The following SAMTOR variants were observed in gnomAD, a reference collection of about 807,000 sequenced individuals.
The protein encoded by SAMTOR is UPF0532 protein C7orf60.
chr7:112,825,108 A>G, the SAMTOR span, among the ~76,000 whole-genome samples: 1 of 151,802 alleles, frequency 6.6e-6, no homozygotes, highest in Non-Finnish European at 1.5e-5. Flanking sequence ...TGCAACCTCC[A>G]CCCTCTGGGC....
the SAMTOR span, chr7:112,895,759 TG>T: frequency 6.8e-7 from 1 of 1,481,322 alleles, no homozygotes. Context: ...AAAATAAAGT[TG>T]TATTTTAACA....
chr7:112,892,612 T>A, the SAMTOR span, among the ~76,000 whole-genome samples: 81 of 151,942 alleles, frequency 5.3e-4, no homozygotes, highest in African/African-American at 1.8e-3. Context: ...CTATAAAAAA[T>A]TTTAAAAAAG....
the SAMTOR span, chr7:112,935,326 C>A: frequency 2.9e-6 from 1 of 350,432 alleles, no homozygotes; most frequent in South Asian, 2.2e-5. Context: ...TTTAAAACAA[C>A]TTCAAAACTT....
chr7:112,833,176 C>T, the SAMTOR span, among the ~76,000 whole-genome samples: 1 of 151,998 alleles, frequency 6.6e-6, no homozygotes, highest in African/African-American at 2.4e-5. Flanking sequence ...CTTTTGCATT[C>T]AGGCTGTTGC....
At chr7:112,921,286 A>G in the SAMTOR span, among the ~76,000 whole-genome samples, 1 of 152,162 alleles carries the variant, frequency 6.6e-6, no homozygotes, top group African/African-American at 2.4e-5. Context: ...CCTCAGAAAT[A>G]ACGCCGCATA....
At chr7:112,866,743 A>G in the SAMTOR span, among the ~76,000 whole-genome samples, 3 of 152,234 alleles carry the variant, frequency 2.0e-5, no homozygotes, top group South Asian at 4.1e-4. Flanking sequence ...CTCAACCTCC[A>G]TTCTCCACTA....
At chr7:112,879,126 G>T in the SAMTOR span, among the ~76,000 whole-genome samples, 2 of 151,080 alleles carry the variant, frequency 1.3e-5, no homozygotes, top group Non-Finnish European at 2.9e-5. Flanking sequence ...GGAAAGGAGA[G>T]AAAATTAGCT....
the SAMTOR span, among the ~76,000 whole-genome samples, chr7:112,869,012 C>A: frequency 3.3e-5 from 5 of 152,104 alleles, no homozygotes; most frequent in African/African-American, 4.8e-5. Flanking sequence ...AGTCTCCAGT[C>A]CCCTGGAGAT....
the SAMTOR span, among the ~76,000 whole-genome samples, chr7:112,829,360 A>C: frequency 1.3e-5 from 2 of 152,022 alleles, no homozygotes; most frequent in Non-Finnish European, 2.9e-5. Flanking sequence ...TACAGTTTTG[A>C]TTTTTTTAAA....
the SAMTOR span, among the ~76,000 whole-genome samples, chr7:112,851,848 AACAG>A: frequency 0.011 from 1,617 of 152,300 alleles, 27 homozygotes; most frequent in African/African-American, 0.037. Context: ...AAAGGACATG[AACAG>A]ACATTCTTCC....
At chr7:112,884,131 C>G in the SAMTOR span, among the ~76,000 whole-genome samples, 1 of 152,148 alleles carries the variant, frequency 6.6e-6, no homozygotes, top group Non-Finnish European at 1.5e-5. Flanking sequence ...ATCCTGAGAA[C>G]AGCAGCATGG....
chr7:112,836,849 T>C, the SAMTOR span, among the ~76,000 whole-genome samples: 2 of 152,188 alleles, frequency 1.3e-5, no homozygotes, highest in African/African-American at 4.8e-5. Context: ...TGTAGCCCTA[T>C]AGTATCGTTT....
chr7:112,831,031 TTATTTAAAAAAG>T, the SAMTOR span, among the ~76,000 whole-genome samples: 1 of 152,090 alleles, frequency 6.6e-6, no homozygotes, highest in African/African-American at 2.4e-5. Context: ...TTCTATTCTT[TTATTTAAAAAAG>T]TATTAAATAT....
the SAMTOR span, among the ~76,000 whole-genome samples, chr7:112,917,689 A>G: frequency 6.6e-6 from 1 of 152,194 alleles, no homozygotes; most frequent in Non-Finnish European, 1.5e-5. Flanking sequence ...CAAAGAAGTT[A>G]AAAACTTTGA....
the SAMTOR span, among the ~76,000 whole-genome samples, chr7:112,887,256 T>C: frequency 6.6e-6 from 1 of 150,904 alleles, no homozygotes; most frequent in African/African-American, 2.4e-5. Flanking sequence ...ATCAGGCAAC[T>C]AGATAAATTC....
At chr7:112,841,366 A>T in the SAMTOR span, among the ~76,000 whole-genome samples, 1 of 152,134 alleles carries the variant, frequency 6.6e-6, no homozygotes, top group South Asian at 2.1e-4. Context: ...TAGCAATACA[A>T]CTTACAAGGG....
chr7:112,840,551 ATTT>A, the SAMTOR span, among the ~76,000 whole-genome samples: 1 of 151,318 alleles, frequency 6.6e-6, no homozygotes, highest in African/African-American at 2.4e-5. Context: ...TAACCATTTT[ATTT>A]TTTTTATTTT....
chr7:112,850,684 T>A, the SAMTOR span, among the ~76,000 whole-genome samples: 5 of 152,332 alleles, frequency 3.3e-5, no homozygotes, highest in African/African-American at 1.2e-4. Flanking sequence ...TTCTAGTCTG[T>A]GCATGTAGTT....
the SAMTOR span, among the ~76,000 whole-genome samples, chr7:112,903,194 T>A: frequency 6.6e-6 from 1 of 151,872 alleles, no homozygotes; most frequent in African/African-American, 2.4e-5. Context: ...GTGCCTGTAA[T>A]CCCAGCTACT....
Sources: allele counts gnomAD v4.1 joint callset (sites outside exome capture counted in the v4.1 genomes callset), GRCh38; gene constraint gnomAD v4.1.1; transcripts MANE v1.5; gene names NCBI Gene and HGNC (gene_info 2026-07-23, HGNC 2026-07-21).